Variants in PPIP5K2 observed in about 807,000 individuals in gnomAD.
PPIP5K2 encodes inositol hexakisphosphate and diphosphoinositol-pentakisphosphate kinase 2.
Under a neutral mutation model 154.6 loss-of-function variants are expected in PPIP5K2, and 105 were observed. The ratio of observed to expected loss-of-function variants is 0.68; its 90% CI spans 0.58 to 0.80. PPIP5K2 has a LOEUF of 0.80. Ranked by LOEUF, PPIP5K2 falls within the 30% of genes least tolerant of loss-of-function variation. The pLI is 0.00. For synonymous variants in PPIP5K2, 480 were observed against 490.3 expected, an observed-to-expected ratio of 0.98 and a Z score of 0.28; for missense variants, 992 against 1,504.6, an observed-to-expected ratio of 0.66 and a Z score of 5.64.
At chr5:103,158,648 G>A (rs1053665048) in intron 16 of PPIP5K2, 75 bp downstream of exon 16, 5 of 1,277,220 alleles carry the variant, frequency 3.9e-6, no homozygotes, top group African/African-American at 1.5e-5. Context: ...TTGGCTGGGC[G>A]CAGTGGCTTA....
rs180756154 is a variant in PPIP5K2 at position 103,168,443 on chromosome 5, T to A, written c.2286+148T>A. 129 of 643,320 alleles carry A rather than the reference T, an allele frequency of 2.0e-4. No homozygotes were observed. The African/African-American group carries it at 2.2e-3, about 11-fold the overall frequency. The allele number at this position is 643,320 out of a possible 1,614,324, so 39.9% of individuals were successfully genotyped here. ...ATTAGGTAATTATGAATTTATATTT[T>A]AAGGTTTTTATGGTTGTATTGATCA... On this transcript the variant is annotated intron_variant, in intron 19 of 30. Coordinates refer to ENST00000358359, the MANE Select transcript of PPIP5K2 (RefSeq NM_001276277.3).
At chr5:103,122,235 A>G (rs537858369) in intron 1 of PPIP5K2, among the ~76,000 whole-genome samples, 11 of 152,344 alleles carry the variant, frequency 7.2e-5, no homozygotes, top group South Asian at 4.1e-4. Flanking sequence ...TTGGGGAGGA[A>G]AAAACCCAAC....
At chr5:103,157,720 AAT>A (rs1444420780) in intron 14 of PPIP5K2, among the ~76,000 whole-genome samples, 8 of 152,020 alleles carry the variant, frequency 5.3e-5, no homozygotes, top group African/African-American at 1.9e-4. Context: ...AAAACAAAAA[AAT>A]ATATATATCT....
rs538629248 is a variant in PPIP5K2, at chr5:103,129,327, C to T, written c.-263C>T. The T allele has an allele frequency of 2.3e-4, 51 of 222,090 alleles. No individual in the cohort carries two copies. The highest frequency in any genetic ancestry group is 1.1e-3 in the African/African-American group (50 of 43,996). 13.8% of individuals were successfully genotyped at this position (222,090 alleles called of 1,614,324 possible). A position where few individuals can be genotyped will look rare whatever the true frequency, so the allele number is the denominator to read the frequency against. ...TTAGGTAAGAAGATTGCTGTATCAA[C>T]TCAAGAAAGCAGTAACTTCACTGTC... On this transcript the variant is annotated 5_prime_UTR_variant, in exon 2 of 31. Coordinates refer to ENST00000358359, the MANE Select transcript of PPIP5K2 (RefSeq NM_001276277.3).
At chr5:103,200,241 T>C (rs1802764859) in intron 30 of PPIP5K2, among the ~76,000 whole-genome samples, 1 of 152,170 alleles carries the variant, frequency 6.6e-6, no homozygotes, top group Non-Finnish European at 1.5e-5. Context: ...CATTTACAAA[T>C]AGAATTGTGG....
rs782642059 is a variant in PPIP5K2 at position 103,158,468 on chromosome 5, TC to T, written c.1634del (p.Pro545LeufsTer28). The T allele has an allele frequency of 4.4e-6, 7 of 1,606,112 alleles. No individual in the cohort carries two copies. The highest frequency in any genetic ancestry group is 5.1e-6 in the Non-Finnish European group (6 of 1,178,110). On this transcript the variant is annotated frameshift_variant, in exon 16 of 31. Coordinates refer to ENST00000358359, the MANE Select transcript of PPIP5K2 (RefSeq NM_001276277.3). LOFTEE classifies it high-confidence loss of function. ...TATTTTCAGGAGATTATGCAGGATT[TC>T]CTGGTTGTGGTTTACTTAGATTACA... ...PGGQGDYAGF[P>X]GCGLLRLHST... is the part of the protein sequence containing the mutation.
intron 13 of PPIP5K2, among the ~76,000 whole-genome samples, chr5:103,155,218 A>G (rs1363865585): frequency 6.6e-6 from 1 of 151,952 alleles, no homozygotes; most frequent in African/African-American, 2.4e-5. Flanking sequence ...TGCTAACTTG[A>G]CCATAGATTC....
chr5:103,201,551 C>G lies in PPIP5K2; in HGVS notation c.3649C>G (p.Pro1217Ala), dbSNP rs782146288. ...ATSGPSSAVVPNTSSRKKNIT... is the reference protein window; with the variant it reads ...ATSGPSSAVVANTSSRKKNIT... ...AAGTGGACCTTCTAGTGCAGTTGTT[C>G]CTAATACCTCATCTCGGAAAAAGAA... The change falls in exon 31 of 31, where the codon CCT becomes GCT. Residue 1217 changes from proline to alanine, a missense_variant. Coordinates refer to ENST00000358359, the MANE Select transcript of PPIP5K2 (RefSeq NM_001276277.3). 1 of 1,603,432 alleles carries G rather than the reference C, an allele frequency of 6.2e-7. No homozygotes were observed. The highest frequency in any genetic ancestry group is 1.4e-5 in the African/African-American group (1 of 73,106).
intron 23 of PPIP5K2, 28 bp downstream of exon 23, chr5:103,178,008 A>G (rs1554221577): frequency 6.1e-6 from 8 of 1,318,150 alleles, no homozygotes; most frequent in Non-Finnish European, 8.8e-6. Context: ...CTCAGTGCTT[A>G]GTTACTACAG....
chr5:103,200,005 G>T (rs1802728416), intron 30 of PPIP5K2, among the ~76,000 whole-genome samples: 1 of 152,136 alleles, frequency 6.6e-6, no homozygotes, highest in Non-Finnish European at 1.5e-5. Context: ...GGATTATATT[G>T]TAGACATTGT....
chr5:103,210,525 T>C lies in PPIP5K2; in HGVS notation c.*8891T>C, dbSNP rs1406567311. The C allele has an allele frequency of 1.3e-5, 2 of 152,130 alleles. No homozygotes were observed. The highest frequency in any genetic ancestry group is 4.8e-5 in the African/African-American group (2 of 41,436). 9.4% of individuals were successfully genotyped at this position (152,130 alleles called of 1,614,324 possible). Reference sequence around the variant, plus strand: ...GAGACCTGGGTATTAATCTCAGCTCTACCACTACATGGTAGAGCTATGTAG... The same window carrying C: ...GAGACCTGGGTATTAATCTCAGCTCCACCACTACATGGTAGAGCTATGTAG... On this transcript the variant is annotated 3_prime_UTR_variant, in exon 31 of 31. Transcript: ENST00000358359.
chr5:103,209,430 A>G lies in PPIP5K2; in HGVS notation c.*7796A>G, dbSNP rs1554232465. Reference sequence around the variant, plus strand: ...AAAAAAAAAGTATTTAAATAAAATCAAGGATACCATCCCACCCACCTATCT... The same window carrying G: ...AAAAAAAAAGTATTTAAATAAAATCGAGGATACCATCCCACCCACCTATCT... On this transcript the variant is annotated 3_prime_UTR_variant, in exon 31 of 31. Coordinates refer to ENST00000358359, the MANE Select transcript of PPIP5K2 (RefSeq NM_001276277.3). 6.6e-6 allele frequency: 1 copy of G among 152,180 alleles called. No individual in the cohort carries two copies. The highest frequency in any genetic ancestry group is 1.5e-5 in the Non-Finnish European group (1 of 68,028). The allele number at this position is 152,180 out of a possible 1,614,324, so 9.4% of individuals were successfully genotyped here. A position where few individuals can be genotyped will look rare whatever the true frequency, so the allele number is the denominator to read the frequency against.
chr5:103,135,441 T>C (rs1421943290), intron 3 of PPIP5K2, among the ~76,000 whole-genome samples: 4 of 152,108 alleles, frequency 2.6e-5, no homozygotes, highest in African/African-American at 7.2e-5. Context: ...ATTTTTTTTT[T>C]CCCCCTGGAG....
chr5:103,177,642 A>C (rs17155110), intron 21 of PPIP5K2, 25 bp from the exon 22 acceptor site: 17,860 of 1,502,920 alleles, frequency 0.012, 124 homozygotes, highest in Non-Finnish European at 0.014. Context: ...TGAGAAAATG[A>C]TTACCACATG....
intron 14 of PPIP5K2, among the ~76,000 whole-genome samples, chr5:103,156,995 C>T (rs1326157165): frequency 6.6e-6 from 1 of 151,942 alleles, no homozygotes; most frequent in African/African-American, 2.4e-5. Flanking sequence ...TTTTCTATAT[C>T]TTAGTATTTA....
chr5:103,173,801 T>G (rs1554220124), intron 20 of PPIP5K2, 57 bp from the exon 21 acceptor site: 1 of 1,097,756 alleles, frequency 9.1e-7, no homozygotes, highest in African/African-American at 1.6e-5. Flanking sequence ...AATTTCAATA[T>G]TTAGTGAGTT....
rs782486601 is a variant in PPIP5K2 at position 103,154,863 on chromosome 5, T to C, written c.1323T>C (p.Leu441=). Residue 441 remains leucine (L), a synonymous_variant, in exon 13 of 31, where the codon CTT becomes CTC. Transcript: ENST00000358359. ...QEVLDIARQL[L]MELGQNNDSE... ...TGCTAGATATTGCACGACAGCTTCT[T>C]ATGGAGCTAGGGCAAAATAATGATT... is the stretch of plus-strand genomic sequence containing the variant. 6.2e-7 allele frequency: 1 copy of C among 1,601,432 alleles called. No individual in the cohort carries two copies.
intron 5 of PPIP5K2, among the ~76,000 whole-genome samples, chr5:103,142,335 G>A (rs888947783): frequency 5.3e-5 from 8 of 152,144 alleles, no homozygotes; most frequent in African/African-American, 1.9e-4. Context: ...TGCGGGGCCC[G>A]CCAAGCCCAA....
chr5:103,133,693 A>C, intron 3 of PPIP5K2, 45 bp downstream of exon 3: 1 of 1,419,086 alleles, frequency 7.0e-7, no homozygotes, highest in East Asian at 2.4e-5. Flanking sequence ...CTCTCTGTTT[A>C]TAAAACTAAT....
Sources: allele counts gnomAD v4.1 joint callset (sites outside exome capture counted in the v4.1 genomes callset), GRCh38; gene constraint gnomAD v4.1.1; transcripts MANE v1.5; gene names NCBI Gene and HGNC (gene_info 2026-07-23, HGNC 2026-07-21).